Variants in MTMR2 observed in about 807,000 individuals in gnomAD.
MTMR2 encodes myotubularin related protein 2.
A neutral mutation model predicts 86.9 loss-of-function variants in MTMR2; 55 were observed. The ratio of observed to expected loss-of-function variants is 0.63; its 90% CI spans 0.51 to 0.79. MTMR2 has a LOEUF of 0.79. Among genes scored for constraint, MTMR2 ranks in the 30% least tolerant of loss-of-function variants. The pLI is 0.00. For synonymous variants in MTMR2, 241 were observed against 266.8 expected (o/e 0.90, Z 0.94); for missense variants, 659 against 772.3 (o/e 0.85, Z 1.74).
chr11:95,924,021 AG>A lies in MTMR2; in HGVS notation c.-68del. The A allele has an allele frequency of 6.5e-7, 1 of 1,539,560 alleles. No individual in the cohort carries two copies. Among genetic ancestry groups the A allele is most frequent in the Non-Finnish European group, 8.8e-7 (1 of 1,137,854 alleles). On this transcript the variant is annotated 5_prime_UTR_variant, in exon 1 of 15. Transcript: ENST00000346299. ...CGCGGCTACAGGGCGGGAGAAGCGG[AG>A]GGCGGAGTGCTACGGACCGGGGCCG...
At chr11:95,855,452 A>G (rs1184289513) in intron 7 of MTMR2, among the ~76,000 whole-genome samples, 5 of 151,610 alleles carry the variant, frequency 3.3e-5, no homozygotes, top group Non-Finnish European at 5.9e-5. Flanking sequence ...GTGTTTCACT[A>G]TGTTGCCCAC....
At chr11:95,891,034 C>T (rs556637779) in intron 1 of MTMR2, among the ~76,000 whole-genome samples, 45 of 152,220 alleles carry the variant, frequency 3.0e-4, no homozygotes, top group South Asian at 8.3e-4. Context: ...CTATTTTATA[C>T]GCCTATGCCC....
intron 1 of MTMR2, among the ~76,000 whole-genome samples, chr11:95,891,458 A>AG (rs1555071395): frequency 1.1e-4 from 17 of 151,890 alleles, no homozygotes; most frequent in East Asian, 3.9e-4. Context: ...CCAAAAAAAA[A>AG]AAAGAAAGAA....
intron 7 of MTMR2, among the ~76,000 whole-genome samples, chr11:95,853,454 C>T (rs1232607129): frequency 1.3e-5 from 2 of 152,160 alleles, no homozygotes; most frequent in Non-Finnish European, 2.9e-5. Context: ...CATTCCTCTG[C>T]TTAAAATCAA....
intron 1 of MTMR2, among the ~76,000 whole-genome samples, chr11:95,909,359 T>C (rs972544757): frequency 6.6e-6 from 1 of 152,166 alleles, no homozygotes; most frequent in Non-Finnish European, 1.5e-5. Context: ...ACTTTCAAAT[T>C]AAGATTATGT....
intron 7 of MTMR2, among the ~76,000 whole-genome samples, chr11:95,856,937 C>A (rs1864236527): frequency 6.6e-6 from 1 of 152,024 alleles, no homozygotes; most frequent in South Asian, 2.1e-4. Flanking sequence ...TTAGTTGATT[C>A]CCACTTATTT....
intron 2 of MTMR2, among the ~76,000 whole-genome samples, chr11:95,882,665 CAT>C (rs1433107344): frequency 7.3e-5 from 11 of 151,416 alleles, no homozygotes; most frequent in African/African-American, 2.7e-4. Context: ...TATCCTTTAT[CAT>C]ATACATGTAC....
chr11:95,835,277 A>ATCTT lies in MTMR2; in HGVS notation c.*9_*12dup. On this transcript the variant is annotated 3_prime_UTR_variant, in exon 15 of 15. Transcript: ENST00000346299. Reference sequence around the variant, plus strand: ...AGAGTGTATAGCAATGATGCCCCTGATCTTACAGTCCTTTATACAACAGTT... The same window carrying ATCTT: ...AGAGTGTATAGCAATGATGCCCCTGATCTTTCTTACAGTCCTTTATACAACAGTT... 6.2e-7 allele frequency: 1 copy of ATCTT among 1,612,358 alleles called. No homozygotes were observed. The highest frequency in any genetic ancestry group is 8.5e-7 in the Non-Finnish European group (1 of 1,178,832).
chr11:95,856,257 T>G (rs1174832449), intron 7 of MTMR2, among the ~76,000 whole-genome samples: 1 of 151,688 alleles, frequency 6.6e-6, no homozygotes, highest in Non-Finnish European at 1.5e-5. Flanking sequence ...CAGGTTGTCC[T>G]GCAAGGAAAA....
At chr11:95,904,384 T>G (rs1257337669) in intron 1 of MTMR2, among the ~76,000 whole-genome samples, 1 of 152,134 alleles carries the variant, frequency 6.6e-6, no homozygotes, top group Non-Finnish European at 1.5e-5. Flanking sequence ...ATGTCAGAGG[T>G]GTTTGAACCA....
intron 1 of MTMR2, among the ~76,000 whole-genome samples, chr11:95,893,526 C>T (rs1049765389): frequency 6.6e-6 from 1 of 152,080 alleles, no homozygotes; most frequent in Non-Finnish European, 1.5e-5. Flanking sequence ...TCCTTATATC[C>T]GTATCCATTA....
intron 1 of MTMR2, among the ~76,000 whole-genome samples, chr11:95,917,627 C>G (rs2135635693): frequency 6.6e-6 from 1 of 152,250 alleles, no homozygotes; most frequent in Middle Eastern, 3.4e-3. Context: ...ACATAAACAG[C>G]CCATCAAAAC....
intron 2 of MTMR2, among the ~76,000 whole-genome samples, chr11:95,885,941 C>G (rs1812624983): frequency 2.0e-5 from 3 of 151,980 alleles, no homozygotes; most frequent in African/African-American, 7.3e-5. Context: ...ACCTTCCTCC[C>G]CAAAACACAT....
chr11:95,862,567 G>A (rs1251210562), intron 3 of MTMR2, among the ~76,000 whole-genome samples: 2 of 152,160 alleles, frequency 1.3e-5, no homozygotes, highest in South Asian at 2.1e-4. Context: ...AATTAAATGG[G>A]ATAGGCTGAA....
At chr11:95,897,667 T>C (rs1376451088) in intron 1 of MTMR2, among the ~76,000 whole-genome samples, 2 of 152,146 alleles carry the variant, frequency 1.3e-5, no homozygotes, top group East Asian at 3.9e-4. Context: ...TACACCTATT[T>C]AGCTAAGTAG....
chr11:95,866,812 T>C (rs1864634945), intron 2 of MTMR2, among the ~76,000 whole-genome samples: 2 of 151,030 alleles, frequency 1.3e-5, no homozygotes, highest in Admixed American at 1.3e-4. Context: ...TATACAAAAA[T>C]ATAGACTTGG....
rs1286683524 is a variant in MTMR2 at position 95,905,349 on chromosome 11, A to G, written c.81-17088T>C. Among the ~76,000 whole-genome samples the G allele has an allele frequency of 7.9e-5, 12 of 151,784 alleles. 1 individual carries two copies. The highest frequency in any genetic ancestry group is 5.3e-4 in the Admixed American group (8 of 15,212). ...CACCTGCGCACACACACACACACAC[A>G]CACACACACACACACACACAACACA... is the stretch of plus-strand genomic sequence containing the variant. On this transcript the variant is annotated intron_variant, in intron 1 of 14. Coordinates refer to ENST00000346299, the MANE Select transcript of MTMR2 (RefSeq NM_016156.6).
chr11:95,892,765 T>G (rs1281650521), intron 1 of MTMR2, among the ~76,000 whole-genome samples: 1 of 152,194 alleles, frequency 6.6e-6, no homozygotes, highest in Non-Finnish European at 1.5e-5. Context: ...CTTCAACTAC[T>G]AATTCTCTTC....
intron 2 of MTMR2, among the ~76,000 whole-genome samples, chr11:95,871,509 A>C (rs541309074): frequency 2.0e-5 from 3 of 152,120 alleles, no homozygotes; most frequent in South Asian, 4.2e-4. Context: ...GCATTTTTTC[A>C]TGTGTCTTTT....
Sources: allele counts gnomAD v4.1 joint callset (sites outside exome capture counted in the v4.1 genomes callset), GRCh38; gene constraint gnomAD v4.1.1; transcripts MANE v1.5; gene names NCBI Gene and HGNC (gene_info 2026-07-23, HGNC 2026-07-21).